NCOA2: variants seen among roughly 807,000 people sequenced by gnomAD.
The protein encoded by NCOA2 is nuclear receptor coactivator 2, also known as class E basic helix-loop-helix protein 75.
NCOA2 carries 21 observed loss-of-function variants against 145.1 expected under a neutral mutation model. That is an observed-to-expected ratio of 0.14 (90% CI 0.10 to 0.21). NCOA2 has a LOEUF of 0.21. NCOA2 is among the 10% of genes least tolerant of loss of function. The pLI is 1.00. For synonymous variants in NCOA2, 619 were observed against 637.5 expected, an observed-to-expected ratio of 0.97 and a Z score of 0.44; for missense variants, 1,472 against 1,837.6, an observed-to-expected ratio of 0.80 and a Z score of 3.64.
chr8:70,212,765 G>C (rs533091749), intron 4 of NCOA2, among the ~76,000 whole-genome samples: 9 of 152,030 alleles, frequency 5.9e-5, no homozygotes, highest in African/African-American at 1.7e-4. Flanking sequence ...TTAAAAATTT[G>C]AACTCTAAGA....
At chr8:70,281,646 G>A (rs1563718641) in intron 2 of NCOA2, among the ~76,000 whole-genome samples, 1 of 152,164 alleles carries the variant, frequency 6.6e-6, no homozygotes, top group Non-Finnish European at 1.5e-5. Flanking sequence ...AACAGAATCA[G>A]AGGCTTCCAG....
At chr8:70,430,614 A>G in the NCOA2 span, among the ~76,000 whole-genome samples, 1 of 152,256 alleles carries the variant, frequency 6.6e-6, no homozygotes, top group South Asian at 2.1e-4. Flanking sequence ...ATTGGCTGTC[A>G]TGATAGGTTA....
intron 1 of NCOA2, among the ~76,000 whole-genome samples, chr8:70,392,318 G>A (rs142216042): frequency 5.3e-5 from 8 of 152,308 alleles, no homozygotes; most frequent in Admixed American, 3.3e-4. Flanking sequence ...CATCTGAGTC[G>A]CACAGTGTTT....
chr8:70,130,698 AC>A (rs1326274926), intron 16 of NCOA2, among the ~76,000 whole-genome samples: 2 of 151,804 alleles, frequency 1.3e-5, no homozygotes, highest in Non-Finnish European at 2.9e-5. Context: ...GTCTCCAATG[AC>A]TCTGCATCAT....
intron 19 of NCOA2, chr8:70,126,520 C>T (rs770521038): frequency 9.0e-4 from 379 of 421,946 alleles, no homozygotes; most frequent in Non-Finnish European, 9.9e-4. Flanking sequence ...CATACACGCT[C>T]GCACACAAGA....
At chr8:70,432,649 T>C in the NCOA2 span, among the ~76,000 whole-genome samples, 1 of 152,062 alleles carries the variant, frequency 6.6e-6, no homozygotes, top group Non-Finnish European at 1.5e-5. Flanking sequence ...GGCAATACAG[T>C]GACACCTTGT....
intron 2 of NCOA2, among the ~76,000 whole-genome samples, chr8:70,288,158 T>G (rs1826381596): frequency 1.3e-5 from 2 of 152,218 alleles, no homozygotes; most frequent in Non-Finnish European, 2.9e-5. Flanking sequence ...GAGAAAGGCT[T>G]AGAACACTAC....
intron 1 of NCOA2, among the ~76,000 whole-genome samples, chr8:70,323,931 A>G (rs530429762): frequency 1.1e-3 from 163 of 152,294 alleles, no homozygotes; most frequent in Admixed American, 2.2e-3. Context: ...GGGGATGAAC[A>G]TGCTTCCCTG....
At chr8:70,245,537 T>C (rs1268990808) in intron 2 of NCOA2, among the ~76,000 whole-genome samples, 1 of 151,952 alleles carries the variant, frequency 6.6e-6, no homozygotes, top group Admixed American at 6.6e-5. Context: ...CTCCCTCTCC[T>C]TCTCTCTCAC....
chr8:70,143,309 T>C (rs1810671620), intron 13 of NCOA2, among the ~76,000 whole-genome samples: 1 of 152,148 alleles, frequency 6.6e-6, no homozygotes, highest in Non-Finnish European at 1.5e-5. Context: ...TGGACACCAG[T>C]GCTCTCTTGG....
Position 70,230,308 on chromosome 8 carries a change from C to A in NCOA2, c.-19-13544G>T, listed in dbSNP as rs191099189. 2.0e-3 allele frequency among the ~76,000 whole-genome samples: 300 copies of A among 152,194 alleles called. 1 individual carries two copies. The highest frequency in any genetic ancestry group is 3.5e-3 in the Non-Finnish European group (240 of 67,994). On this transcript the variant is annotated intron_variant, in intron 2 of 22. Coordinates refer to ENST00000452400, the MANE Select transcript of NCOA2 (RefSeq NM_006540.4). ...AAACAGAAAGGAGATTGGTGGCTGC[C>A]AAGGGCTGGAGGGAAGGGGAAATGG...
chr8:70,183,188 G>A (rs1815679013), intron 4 of NCOA2, among the ~76,000 whole-genome samples: 1 of 152,134 alleles, frequency 6.6e-6, no homozygotes, highest in Non-Finnish European at 1.5e-5. Flanking sequence ...AAGTTGAAAG[G>A]TGAAATTGAG....
chr8:70,132,079 GA>G, intron 15 of NCOA2, 77 bp from the exon 16 acceptor site: 1 of 1,430,586 alleles, frequency 7.0e-7, no homozygotes, highest in Non-Finnish European at 9.4e-7. Flanking sequence ...TCTCAAAGGT[GA>G]AAGTATCAAT....
the NCOA2 span, among the ~76,000 whole-genome samples, chr8:70,442,116 G>GAAAA: frequency 2.4e-5 from 2 of 82,350 alleles, no homozygotes; most frequent in African/African-American, 3.4e-5. Flanking sequence ...GAGAAAGAAA[G>GAAAA]AAGAAAGAAA....
chr8:70,363,079 TA>T (rs777122942), intron 1 of NCOA2, among the ~76,000 whole-genome samples: 362 of 99,804 alleles, frequency 3.6e-3, no homozygotes, highest in Admixed American at 6.2e-3. Flanking sequence ...ACTCTGTCTT[TA>T]AAAAAAAAAA....
At chr8:70,442,144 A>AAAGAAAGAAAGAGAGAAAGAAAGAAAGG in the NCOA2 span, among the ~76,000 whole-genome samples, 1 of 128,410 alleles carries the variant, frequency 7.8e-6, no homozygotes, top group Non-Finnish European at 1.6e-5. Context: ...AGAAAGAAAG[A>AAAGAAAGAAAGAGAGAAAGAAAGAAAGG]AAGAAAGAAA....
intron 2 of NCOA2, among the ~76,000 whole-genome samples, chr8:70,225,079 A>C (rs1162288625): frequency 6.6e-6 from 1 of 152,210 alleles, no homozygotes; most frequent in East Asian, 1.9e-4. Context: ...ATCACAACAA[A>C]TATTAGTGAA....
chr8:70,293,362 G>A (rs1233449568), intron 2 of NCOA2, among the ~76,000 whole-genome samples: 6 of 152,156 alleles, frequency 3.9e-5, no homozygotes, highest in Non-Finnish European at 8.8e-5. Context: ...ATATTCATTT[G>A]AAATGTATTT....
Position 70,133,071 on chromosome 8 carries a change from G to GGTGTGTGT in NCOA2, c.3159-1077_3159-1070dup, listed in dbSNP as rs148660851. Among the ~76,000 whole-genome samples, 25 of 148,802 alleles carry GGTGTGTGT rather than the reference G, an allele frequency of 1.7e-4. No homozygotes were observed. In the East Asian group the frequency reaches 2.7e-3, roughly 16 times the overall value. On this transcript the variant is annotated intron_variant, in intron 15 of 22. Coordinates refer to ENST00000452400, the MANE Select transcript of NCOA2 (RefSeq NM_006540.4). ...AATTGTCAGATTAGAGTAGAGGAGG[G>GGTGTGTGT]GTGTGTGTGTGTGTGTGTGTGTATG...
Sources: gnomAD v4.1 joint callset for allele counts (sites outside exome capture counted in the v4.1 genomes callset) on GRCh38, gnomAD v4.1.1 for gene constraint, MANE v1.5 for transcripts, NCBI Gene and HGNC (gene_info 2026-07-23, HGNC 2026-07-21) for gene names.